The following KCNIP4 variants were observed in gnomAD, a reference collection of about 807,000 sequenced individuals.
KCNIP4 encodes the protein Kv channel-interacting protein 4.
KCNIP4 carries 12 observed loss-of-function variants against 34.0 expected under a neutral mutation model. That is an observed-to-expected ratio of 0.35 (90% confidence interval 0.23 to 0.57). The LOEUF is 0.57. Among genes scored for constraint, KCNIP4 ranks in the 20% least tolerant of loss-of-function variants. The pLI is 0.83. For synonymous variants in KCNIP4, 124 were observed against 102.2 expected (o/e 1.21, Z -1.29); for missense variants, 238 against 311.7 (o/e 0.76, Z 1.78).
intron 1 of KCNIP4, among the ~76,000 whole-genome samples, chr4:20,979,490 C>G (rs1476861747): frequency 2.0e-5 from 3 of 151,632 alleles, no homozygotes; most frequent in Non-Finnish European, 4.4e-5. Context: ...GCTCCGCCTC[C>G]CGGGTTCACG....
chr4:21,438,096 G>C (rs1182010195), intron 1 of KCNIP4, among the ~76,000 whole-genome samples: 1 of 152,068 alleles, frequency 6.6e-6, no homozygotes, highest in African/African-American at 2.4e-5. Flanking sequence ...TTTTCAAAGC[G>C]TGTGTTCATT....
intron 1 of KCNIP4, among the ~76,000 whole-genome samples, chr4:21,680,868 C>T (rs1342493422): frequency 6.6e-6 from 1 of 152,090 alleles, no homozygotes; most frequent in Non-Finnish European, 1.5e-5. Context: ...CATTATTGAG[C>T]AGAGACAGAG....
intron 1 of KCNIP4, among the ~76,000 whole-genome samples, chr4:21,043,005 T>G (rs1742097474): frequency 6.6e-6 from 1 of 152,226 alleles, no homozygotes; most frequent in South Asian, 2.1e-4. Flanking sequence ...GTCAAATTGA[T>G]CAGTTATTGC....
intron 1 of KCNIP4, among the ~76,000 whole-genome samples, chr4:21,051,111 G>A (rs1005703686): frequency 3.3e-5 from 5 of 152,242 alleles, no homozygotes; most frequent in Non-Finnish European, 5.9e-5. Context: ...TTAAGGAGCT[G>A]AGCCCATGTT....
intron 1 of KCNIP4, among the ~76,000 whole-genome samples, chr4:21,084,910 A>G (rs1281002479): frequency 6.7e-6 from 1 of 150,194 alleles, no homozygotes; most frequent in African/African-American, 2.5e-5. Flanking sequence ...ATTTACTGCT[A>G]CTGACTTCAT....
At chr4:20,889,135 C>G (rs1313396301) in intron 1 of KCNIP4, among the ~76,000 whole-genome samples, 1 of 151,954 alleles carries the variant, frequency 6.6e-6, no homozygotes, top group Non-Finnish European at 1.5e-5. Context: ...GGGTTTTTTT[C>G]CATTCCAGAA....
At chr4:21,558,466 T>C (rs1050315668) in intron 1 of KCNIP4, among the ~76,000 whole-genome samples, 2 of 144,698 alleles carry the variant, frequency 1.4e-5, no homozygotes, top group Non-Finnish European at 1.5e-5. Context: ...CACTTCAGCC[T>C]GGGCGGCAGA....
intron 1 of KCNIP4, among the ~76,000 whole-genome samples, chr4:20,935,527 G>A (rs1015107638): frequency 6.6e-6 from 1 of 151,990 alleles, no homozygotes; most frequent in Non-Finnish European, 1.5e-5. Flanking sequence ...CCTCTCTCTA[G>A]GCCATTCTTA....
At chr4:21,871,268 C>T (rs1261030409) in intron 1 of KCNIP4, among the ~76,000 whole-genome samples, 2 of 126,922 alleles carry the variant, frequency 1.6e-5, no homozygotes, top group Non-Finnish European at 3.3e-5. Context: ...CTCCCCACCT[C>T]CCCCCACCCC....
At chr4:21,126,498 C>T (rs966056769) in intron 1 of KCNIP4, among the ~76,000 whole-genome samples, 2 of 151,780 alleles carry the variant, frequency 1.3e-5, no homozygotes, top group African/African-American at 4.8e-5. Flanking sequence ...TCAAACAGAA[C>T]TCAGATTTGA....
intron 1 of KCNIP4, among the ~76,000 whole-genome samples, chr4:21,154,332 A>T (rs874723): frequency 0.65 from 98,958 of 152,068 alleles, 32,679 homozygotes; most frequent in African/African-American, 0.75. Flanking sequence ...TCATAAAAAT[A>T]AAATATTAAA....
At position 21,717,854 on chromosome 4, in the gene KCNIP4, C is replaced by T. The variant is rs147597800; in HGVS notation, c.61+230717G>A. 5.1e-4 allele frequency among the ~76,000 whole-genome samples: 77 copies of T among 152,216 alleles called. 1 individual carries two copies. The East Asian group carries it at 0.013, about 26-fold the overall frequency. On this transcript the variant is annotated intron_variant, in intron 1 of 8. Coordinates refer to ENST00000382152, the MANE Select transcript of KCNIP4 (RefSeq NM_025221.6). ...CTGTTTTATATTCCAAATCTGTGAT[C>T]GTCACTTTTCTCTTTCATCTTTTAA... is the stretch of plus-strand genomic sequence containing the variant.
intron 1 of KCNIP4, among the ~76,000 whole-genome samples, chr4:21,786,948 A>T (rs933880772): frequency 4.6e-5 from 7 of 152,096 alleles, no homozygotes; most frequent in African/African-American, 1.7e-4. Context: ...GAACTTGGAA[A>T]CCATTTCTGC....
At chr4:21,183,476 T>G (rs1037325672) in intron 1 of KCNIP4, among the ~76,000 whole-genome samples, 2 of 151,466 alleles carry the variant, frequency 1.3e-5, no homozygotes, top group Non-Finnish European at 2.9e-5. Flanking sequence ...TTTGTTTTTT[T>G]TTTTTTTGGT....
At chr4:21,073,593 T>C (rs940758903) in intron 1 of KCNIP4, among the ~76,000 whole-genome samples, 1 of 152,198 alleles carries the variant, frequency 6.6e-6, no homozygotes, top group Non-Finnish European at 1.5e-5. Context: ...CAGGGACAAT[T>C]TGACTTCCTC....
chr4:20,784,840 G>GT (rs1160516408), intron 3 of KCNIP4, among the ~76,000 whole-genome samples: 5 of 152,114 alleles, frequency 3.3e-5, no homozygotes, highest in Admixed American at 6.5e-5. Flanking sequence ...CACAGAAGGA[G>GT]TTTTGGACCC....
At chr4:21,374,743 T>C (rs1006481842) in intron 1 of KCNIP4, among the ~76,000 whole-genome samples, 4 of 147,340 alleles carry the variant, frequency 2.7e-5, no homozygotes, top group Non-Finnish European at 1.5e-5. Context: ...TGATGTCTAC[T>C]TGACATTCCC....
At chr4:21,240,275 A>G (rs1372915398) in intron 1 of KCNIP4, among the ~76,000 whole-genome samples, 1 of 150,818 alleles carries the variant, frequency 6.6e-6, no homozygotes, top group African/African-American at 2.4e-5. Context: ...CCTAATGCTA[A>G]ATGACGAGTC....
intron 1 of KCNIP4, among the ~76,000 whole-genome samples, chr4:20,973,928 A>C (rs2149681147): frequency 6.6e-6 from 1 of 152,316 alleles, no homozygotes; most frequent in Admixed American, 6.5e-5. Flanking sequence ...ATATGGTATA[A>C]AAATTTCTCT....
Sources: gnomAD v4.1 joint callset for allele counts (sites outside exome capture counted in the v4.1 genomes callset) on GRCh38, gnomAD v4.1.1 for gene constraint, MANE v1.5 for transcripts, NCBI Gene and HGNC (gene_info 2026-07-23, HGNC 2026-07-21) for gene names.